Variants in PPP3CA observed in about 807,000 individuals in gnomAD.
The protein encoded by PPP3CA is CAM-PRP catalytic subunit.
Under a neutral mutation model 66.5 loss-of-function variants are expected in PPP3CA, and 14 were observed. The ratio of observed to expected loss-of-function variants is 0.21; its 90% CI spans 0.14 to 0.33. The LOEUF (loss-of-function observed/expected upper bound fraction) is 0.33, where lower values mean the gene tolerates loss of function less well. Ranked by LOEUF, PPP3CA falls within the 10% of genes least tolerant of loss-of-function variation. The pLI, the probability that PPP3CA is intolerant of heterozygous loss-of-function variation, is 1.00. For synonymous variants in PPP3CA, 232 were observed against 226.2 expected (o/e 1.03, Z -0.23); for missense variants, 317 against 639.5 (o/e 0.50, Z 5.44).
At chr4:101,086,303 G>T (rs1578432629) in intron 6 of PPP3CA, among the ~76,000 whole-genome samples, 1 of 152,208 alleles carries the variant, frequency 6.6e-6, no homozygotes, top group African/African-American at 2.4e-5. Context: ...CGGAAAAGAA[G>T]AGGGATCATC....
At chr4:101,079,379 CTT>C (rs1016993243) in intron 8 of PPP3CA, among the ~76,000 whole-genome samples, 14 of 138,482 alleles carry the variant, frequency 1.0e-4, no homozygotes, top group Admixed American at 2.2e-4. Context: ...TTCCATTTCT[CTT>C]TTTTTTTTTT....
At chr4:101,309,080 T>C (rs1177308561) in intron 1 of PPP3CA, among the ~76,000 whole-genome samples, 1 of 152,070 alleles carries the variant, frequency 6.6e-6, no homozygotes, top group Admixed American at 6.6e-5. Flanking sequence ...TGAGCCATGA[T>C]TGCACCACTG....
chr4:101,023,894 T>TGAAGCGTG lies in PPP3CA; in HGVS notation c.*1963_*1970dup, dbSNP rs1726497500. The TGAAGCGTG allele has an allele frequency of 6.6e-6, 1 of 152,646 alleles. No homozygotes were observed. Among genetic ancestry groups the TGAAGCGTG allele is most frequent in the African/African-American group, 2.4e-5 (1 of 41,446 alleles). The allele number at this position is 152,646 out of a possible 1,614,324, so 9.5% of individuals were successfully genotyped here. On this transcript the variant is annotated 3_prime_UTR_variant, in exon 14 of 14. Coordinates refer to ENST00000394854, the MANE Select transcript of PPP3CA (RefSeq NM_000944.5). ...CTTCGGGTGATGATTAGATAGTAGC[T>TGAAGCGTG]GAAGCGTGGGTATACAAATTTCTTG...
chr4:101,333,386 A>G (rs555295456), intron 1 of PPP3CA, among the ~76,000 whole-genome samples: 1 of 138,778 alleles, frequency 7.2e-6, no homozygotes, highest in African/African-American at 2.7e-5. Flanking sequence ...TCAGCCTCCC[A>G]AAGTATTGGG....
chr4:101,042,803 CTTTTTTTTTT>C (rs534973228), intron 10 of PPP3CA, among the ~76,000 whole-genome samples: 2 of 117,690 alleles, frequency 1.7e-5, no homozygotes, highest in Non-Finnish European at 3.8e-5. Context: ...AAGACTTTTT[CTTTTTTTTTT>C]TTTTTTTTTA....
At chr4:101,035,167 G>A (rs1398905327) in intron 11 of PPP3CA, among the ~76,000 whole-genome samples, 1 of 152,154 alleles carries the variant, frequency 6.6e-6, no homozygotes, top group Admixed American at 6.5e-5. Flanking sequence ...TACTTGGGAG[G>A]CTGAGACATG....
At chr4:101,316,048 G>T (rs1185979065) in intron 1 of PPP3CA, among the ~76,000 whole-genome samples, 1 of 151,942 alleles carries the variant, frequency 6.6e-6, no homozygotes, top group Non-Finnish European at 1.5e-5. Flanking sequence ...AAACATTTAA[G>T]GATACATCTC....
chr4:101,283,571 C>A (rs1203728533), intron 1 of PPP3CA, among the ~76,000 whole-genome samples: 1 of 152,168 alleles, frequency 6.6e-6, no homozygotes, highest in African/African-American at 2.4e-5. Flanking sequence ...AAACATATTT[C>A]TCTTAAGTAA....
chr4:101,163,734 G>A (rs980824105), intron 2 of PPP3CA, among the ~76,000 whole-genome samples: 1 of 152,072 alleles, frequency 6.6e-6, no homozygotes, highest in African/African-American at 2.4e-5. Flanking sequence ...GTACACCATG[G>A]TTTAAAGTTT....
chr4:101,157,389 A>G (rs1723356889), intron 2 of PPP3CA, among the ~76,000 whole-genome samples: 1 of 152,190 alleles, frequency 6.6e-6, no homozygotes, highest in African/African-American at 2.4e-5. Flanking sequence ...AGAAGAAGAC[A>G]ATAGAAATAG....
Position 101,238,446 on chromosome 4 carries a change from T to C in PPP3CA, c.59-42330A>G, listed in dbSNP as rs962794146. 2.6e-5 allele frequency among the ~76,000 whole-genome samples: 4 copies of C among 151,908 alleles called. No individual in the cohort carries two copies. In the East Asian group the frequency reaches 7.7e-4, roughly 29 times the overall value. Reference sequence around the variant, plus strand: ...GAATTTAAATATAAAAAGCAGTTTATGAATTCTTTAGAATAACATTATCTT... The same window carrying C: ...GAATTTAAATATAAAAAGCAGTTTACGAATTCTTTAGAATAACATTATCTT... On this transcript the variant is annotated intron_variant, in intron 1 of 13. Coordinates refer to ENST00000394854, the MANE Select transcript of PPP3CA (RefSeq NM_000944.5).
chr4:101,297,240 A>G (rs1183425952), intron 1 of PPP3CA, among the ~76,000 whole-genome samples: 1 of 152,238 alleles, frequency 6.6e-6, no homozygotes, highest in Non-Finnish European at 1.5e-5. Flanking sequence ...TTGGAGTTAG[A>G]ATGACATTAA....
chr4:101,123,417 G>A (rs1412639551), intron 2 of PPP3CA, among the ~76,000 whole-genome samples: 1 of 152,200 alleles, frequency 6.6e-6, no homozygotes, highest in Non-Finnish European at 1.5e-5. Flanking sequence ...TCACAGAACA[G>A]TGGGACATGA....
At chr4:101,145,111 C>T (rs1432062615) in intron 2 of PPP3CA, among the ~76,000 whole-genome samples, 1 of 151,964 alleles carries the variant, frequency 6.6e-6, no homozygotes, top group Admixed American at 6.6e-5. Flanking sequence ...GTGATGTACA[C>T]ATTTTGGAAA....
At chr4:101,337,318 C>A (rs1279238390) in intron 1 of PPP3CA, among the ~76,000 whole-genome samples, 1 of 152,158 alleles carries the variant, frequency 6.6e-6, no homozygotes, top group Non-Finnish European at 1.5e-5. Context: ...ATATTTGAAG[C>A]CTCTAGTTAA....
chr4:101,227,557 C>T (rs868639147), intron 1 of PPP3CA, among the ~76,000 whole-genome samples: 2 of 151,604 alleles, frequency 1.3e-5, no homozygotes, highest in Admixed American at 1.3e-4. Flanking sequence ...TCCAACAGGC[C>T]TTTTCTTTTT....
chr4:101,303,182 T>C (rs1728432325), intron 1 of PPP3CA, among the ~76,000 whole-genome samples: 1 of 152,206 alleles, frequency 6.6e-6, no homozygotes, highest in Admixed American at 6.5e-5. Flanking sequence ...AAATGTGTAA[T>C]TCTGACTCAT....
At chr4:101,345,461 G>A (rs980637856) in intron 1 of PPP3CA, among the ~76,000 whole-genome samples, 7 of 152,112 alleles carry the variant, frequency 4.6e-5, no homozygotes, top group African/African-American at 1.7e-4. Context: ...TACCATCTCT[G>A]TTCTACACAC....
intron 1 of PPP3CA, among the ~76,000 whole-genome samples, chr4:101,246,654 T>A (rs1040044942): frequency 6.6e-6 from 1 of 152,154 alleles, no homozygotes; most frequent in African/African-American, 2.4e-5. Flanking sequence ...AAAACAACTG[T>A]GAATTAAATC....
Sources: allele counts gnomAD v4.1 joint callset (sites outside exome capture counted in the v4.1 genomes callset), GRCh38; gene constraint gnomAD v4.1.1; transcripts MANE v1.5; gene names NCBI Gene and HGNC (gene_info 2026-07-23, HGNC 2026-07-21).